JPT1: variants seen among roughly 807,000 people sequenced by gnomAD.
The protein encoded by JPT1 is androgen-regulated protein 2.
Under a neutral mutation model 17.0 loss-of-function variants are expected in JPT1, and 5 were observed. The ratio of observed to expected loss-of-function variants is 0.29; its 90% CI spans 0.15 to 0.62. The LOEUF (loss-of-function observed/expected upper bound fraction) is 0.62, where lower values mean the gene tolerates loss of function less well. Ranked by LOEUF, JPT1 falls within the 20% of genes least tolerant of loss-of-function variation. The pLI, the probability that JPT1 is intolerant of heterozygous loss-of-function variation, is 0.85. For synonymous variants in JPT1, 71 were observed against 73.6 expected (o/e 0.96, Z 0.18); for missense variants, 158 against 188.1 (o/e 0.84, Z 0.94).
intron 1 of JPT1, chr17:75,149,039 ATTTC>A (rs1322351301): frequency 1.6e-6 from 2 of 1,279,472 alleles, no homozygotes; most frequent in African/African-American, 3.1e-5. Context: ...GTTTAGAAGT[ATTTC>A]TTGTTATTAT....
chr17:75,151,325 G>A (rs1263061706), intron 1 of JPT1, among the ~76,000 whole-genome samples: 1 of 151,292 alleles, frequency 6.6e-6, no homozygotes, highest in Non-Finnish European at 1.5e-5. Flanking sequence ...AAAAGAGTGA[G>A]ACTCCGTCTC....
At chr17:75,141,128 G>C (rs1314026561) in intron 4 of JPT1, 2 of 152,418 alleles carry the variant, frequency 1.3e-5, no homozygotes, top group African/African-American at 4.8e-5. Context: ...AAATTAGCCA[G>C]GCATGGTGGC....
chr17:75,146,471 G>A lies in JPT1; in HGVS notation c.316+195C>T, dbSNP rs114430053. Reference sequence around the variant, plus strand: ...CCCAGCCAATATATGTAATTTTAAAGGATTCTCTGTTTTTTCCCTTCTATT... The same window carrying A: ...CCCAGCCAATATATGTAATTTTAAAAGATTCTCTGTTTTTTCCCTTCTATT... On this transcript the variant is annotated intron_variant, in intron 4 of 4. Coordinates refer to ENST00000409753, the MANE Select transcript of JPT1 (RefSeq NM_016185.4). 1.2e-3 allele frequency: 613 copies of A among 510,016 alleles called. 4 individuals are homozygous for A. Among genetic ancestry groups the A allele is most frequent in the African/African-American group, 0.011 (567 of 49,822 alleles). 31.6% of individuals were successfully genotyped at this position (510,016 alleles called of 1,614,324 possible).
At chr17:75,139,312 G>A (rs186411834) in intron 4 of JPT1, among the ~76,000 whole-genome samples, 2 of 152,122 alleles carry the variant, frequency 1.3e-5, no homozygotes, top group Admixed American at 6.6e-5. Flanking sequence ...ACATTCTGAA[G>A]AACAAAAAAT....
At chr17:75,137,685 C>CTTTTTTTTT (rs60118585) in intron 4 of JPT1, among the ~76,000 whole-genome samples, 1 of 112,846 alleles carries the variant, frequency 8.9e-6, no homozygotes. Context: ...CCTAGTTTTC[C>CTTTTTTTTT]TTTTTTTTTT....
At chr17:75,148,440 C>T (rs1367794349) in intron 2 of JPT1, 89 bp downstream of exon 2, 14 of 1,492,422 alleles carry the variant, frequency 9.4e-6, no homozygotes, top group South Asian at 2.4e-5. Flanking sequence ...TTTTTAGACA[C>T]GGGGGCACAT....
chr17:75,144,046 T>C (rs114039462), intron 4 of JPT1, among the ~76,000 whole-genome samples: 1,667 of 113,394 alleles, frequency 0.015, 32 homozygotes, highest in African/African-American at 0.04. Context: ...GAAGGATGGA[T>C]TCTGAGGACT....
chr17:75,144,192 T>C (rs114769919), intron 4 of JPT1, among the ~76,000 whole-genome samples: 1,665 of 152,154 alleles, frequency 0.011, 31 homozygotes, highest in African/African-American at 0.038. Flanking sequence ...CCCAAGTATC[T>C]CCTCACTGGG....
chr17:75,150,306 T>C (rs1598208047), intron 1 of JPT1, among the ~76,000 whole-genome samples: 1 of 151,678 alleles, frequency 6.6e-6, no homozygotes, highest in Admixed American at 6.6e-5. Flanking sequence ...CAGGCTAGAG[T>C]GCAGTGGTGC....
intron 1 of JPT1, chr17:75,153,012 C>T (rs1023934090): frequency 6.6e-6 from 1 of 152,108 alleles, no homozygotes. Context: ...GCTTTTTGTT[C>T]CCAAGTTCTC....
At position 75,135,791 on chromosome 17, in the gene JPT1, TAA is replaced by T. The variant is rs1369923122; in HGVS notation, c.*309_*310del. 2 of 529,044 alleles carry T rather than the reference TAA, an allele frequency of 3.8e-6. No homozygotes were observed. Among genetic ancestry groups the T allele is most frequent in the Non-Finnish European group, 6.7e-6 (2 of 300,530 alleles). The allele number at this position is 529,044 out of a possible 1,614,324, so 32.8% of individuals were successfully genotyped here. On this transcript the variant is annotated 3_prime_UTR_variant, in exon 5 of 5. Coordinates refer to ENST00000409753, the MANE Select transcript of JPT1 (RefSeq NM_016185.4). Reference sequence around the variant, plus strand: ...GGCTTGGTAAACCCAAGTAAAGTGTTAAAAACCTCAGTACAAAAGATCCTCTA... The same window carrying T: ...GGCTTGGTAAACCCAAGTAAAGTGTTAAACCTCAGTACAAAAGATCCTCTA...
At chr17:75,148,501 G>C (rs774848924) in intron 2 of JPT1, 28 bp downstream of exon 2, 1 of 1,612,888 alleles carries the variant, frequency 6.2e-7, no homozygotes, top group African/African-American at 1.3e-5. Flanking sequence ...CCATCCCTTT[G>C]AACAGTGAGC....
rs1168935613 is a variant in JPT1, at chr17:75,135,994, GCTT to G, written c.*105_*107del. On this transcript the variant is annotated 3_prime_UTR_variant, in exon 5 of 5. Coordinates refer to ENST00000409753, the MANE Select transcript of JPT1 (RefSeq NM_016185.4). ...AAAAAAAGACAGCAGTACATAAAGT[GCTT>G]CTTTTTAATGAAACAAATCCAAGAG... 3 of 1,605,500 alleles carry G rather than the reference GCTT, an allele frequency of 1.9e-6. No homozygotes were observed. Among genetic ancestry groups the G allele is most frequent in the East Asian group, 2.2e-5 (1 of 44,746 alleles).
intron 4 of JPT1, among the ~76,000 whole-genome samples, chr17:75,139,809 C>CT (rs2074274520): frequency 1.3e-5 from 2 of 151,996 alleles, no homozygotes; most frequent in East Asian, 3.9e-4. Flanking sequence ...CAGAGTAAGA[C>CT]TCCGTCTCAA....
At chr17:75,149,396 C>G (rs1418610844) in intron 1 of JPT1, among the ~76,000 whole-genome samples, 3 of 152,088 alleles carry the variant, frequency 2.0e-5, no homozygotes, top group Non-Finnish European at 2.9e-5. Context: ...GAGACGGAGT[C>G]TCCCTCTGTC....
At chr17:75,141,727 G>A (rs1477132058) in intron 4 of JPT1, among the ~76,000 whole-genome samples, 2 of 152,054 alleles carry the variant, frequency 1.3e-5, no homozygotes, top group African/African-American at 2.4e-5. Flanking sequence ...AGGAGTTTGC[G>A]ACCAGCCTGG....
At chr17:75,150,248 TTTTTC>T (rs911384060) in intron 1 of JPT1, among the ~76,000 whole-genome samples, 74 of 152,202 alleles carry the variant, frequency 4.9e-4, no homozygotes, top group East Asian at 1.2e-3. Context: ...GAAATACTTT[TTTTTC>T]TTTTCTTTTT....
At chr17:75,146,487 C>T (rs552191485) in intron 4 of JPT1, 179 bp downstream of exon 4, 5 of 514,834 alleles carry the variant, frequency 9.7e-6, no homozygotes, top group South Asian at 9.0e-5. Flanking sequence ...TCTGTTTTTT[C>T]CCTTCTATTA....
chr17:75,154,481 A>C lies in JPT1; in HGVS notation c.-84T>G. On this transcript the variant is annotated 5_prime_UTR_variant, in exon 1 of 5. Coordinates refer to ENST00000409753, the MANE Select transcript of JPT1 (RefSeq NM_016185.4). ...AGGGGCGCTGGGAAACTCCACACCC[A>C]ACAGCCGACCACCGCTGCAGGAGCC... The C allele has an allele frequency of 1.5e-6, 2 of 1,308,904 alleles. No individual in the cohort carries two copies. The highest frequency in any genetic ancestry group is 2.1e-6 in the Non-Finnish European group (2 of 952,040). The allele number at this position is 1,308,904 out of a possible 1,614,324, so 81.1% of individuals were successfully genotyped here.
Sources: allele counts gnomAD v4.1 joint callset (sites outside exome capture counted in the v4.1 genomes callset), GRCh38; gene constraint gnomAD v4.1.1; transcripts MANE v1.5; gene names NCBI Gene and HGNC (gene_info 2026-07-23, HGNC 2026-07-21).